Variants in STAM2 observed in about 807,000 individuals in gnomAD.
STAM2 encodes the protein signal transducing adaptor molecule 2.
STAM2 carries 51 observed loss-of-function variants against 65.6 expected under a neutral mutation model. That is an observed-to-expected ratio of 0.78 (90% CI 0.62 to 0.98). The LOEUF (loss-of-function observed/expected upper bound fraction) is 0.98, where lower values mean the gene tolerates loss of function less well. STAM2 is among the 50% of genes least tolerant of loss of function. The pLI is 0.00. For missense variants in STAM2, 584 were observed against 617.8 expected (o/e 0.95, Z 0.58); for synonymous variants, 198 against 208.4 (o/e 0.95, Z 0.43).
chr2:152,132,206 A>G, intron 10 of STAM2, 38 bp from the exon 11 acceptor site: 1 of 1,542,158 alleles, frequency 6.5e-7, no homozygotes, highest in Non-Finnish European at 8.9e-7. Flanking sequence ...TAGAAACTTA[A>G]TCCAGTTTAA....
At chr2:152,168,004 A>C (rs1404601739) in intron 1 of STAM2, among the ~76,000 whole-genome samples, 6 of 152,144 alleles carry the variant, frequency 3.9e-5, no homozygotes, top group Admixed American at 3.9e-4. Context: ...GTCAGATTAA[A>C]GGACAATAGA....
In STAM2 at chr2:152,123,796, G is replaced by A; in HGVS notation, c.1319C>T (p.Thr440Ile). 3 of 1,614,142 alleles carry A rather than the reference G, an allele frequency of 1.9e-6. No homozygotes were observed. The highest frequency in any genetic ancestry group is 2.5e-6 in the Non-Finnish European group (3 of 1,180,022). Residue 440 changes from threonine to isoleucine, a missense_variant, in exon 13 of 14, where the codon ACA (threonine) becomes ATA (isoleucine). Physicochemically the swap from Thr to Ile is moderately conservative, Grantham distance 89 (BLOSUM62 -1). Transcript: ENST00000263904. ...ATATGAAGTTTGAGCAGGCTGTGCTGTCACTGAGGAATTCACATTTGGAGG... is the reference window on the plus strand; with the variant it reads ...ATATGAAGTTTGAGCAGGCTGTGCTATCACTGAGGAATTCACATTTGGAGG... ...SLPPNVNSSV[T>I]AQPAQTSYLS...
intron 1 of STAM2, among the ~76,000 whole-genome samples, chr2:152,157,085 A>C (rs538376798): frequency 6.6e-6 from 1 of 152,192 alleles, no homozygotes; most frequent in African/African-American, 2.4e-5. Context: ...CATCCAGCAC[A>C]AGGAGGACTA....
intron 6 of STAM2, 33 bp from the exon 7 acceptor site, chr2:152,144,046 GAATT>G (rs758050007): frequency 1.7e-5 from 25 of 1,484,212 alleles, no homozygotes; most frequent in East Asian, 1.0e-4. Context: ...AAAGAAACTG[GAATT>G]AATTTTGATA....
chr2:152,130,591 C>T (rs1340849169), intron 11 of STAM2, among the ~76,000 whole-genome samples: 2 of 151,412 alleles, frequency 1.3e-5, no homozygotes, highest in Non-Finnish European at 2.9e-5. Context: ...GGCACAGTGG[C>T]TCATGCCTAT....
chr2:152,139,864 A>C (rs2105541805), intron 7 of STAM2, among the ~76,000 whole-genome samples: 1 of 152,254 alleles, frequency 6.6e-6, no homozygotes, highest in South Asian at 2.1e-4. Flanking sequence ...TTTTTAATAC[A>C]ATATATTGTA....
At chr2:152,153,928 A>G (rs867018941) in intron 1 of STAM2, among the ~76,000 whole-genome samples, 15 of 151,436 alleles carry the variant, frequency 9.9e-5, no homozygotes, top group African/African-American at 3.4e-4. Flanking sequence ...ACGCAAAAAT[A>G]ATAAAAGTTA....
At chr2:152,158,216 C>G (rs1689588631) in intron 1 of STAM2, among the ~76,000 whole-genome samples, 1 of 152,126 alleles carries the variant, frequency 6.6e-6, no homozygotes, top group Non-Finnish European at 1.5e-5. Flanking sequence ...GTGGCTTATA[C>G]CTGTAATCCC....
intron 1 of STAM2, among the ~76,000 whole-genome samples, chr2:152,160,779 T>C (rs1689655527): frequency 7.1e-6 from 1 of 139,980 alleles, no homozygotes; most frequent in South Asian, 2.3e-4. Context: ...TACCGGGAAG[T>C]GAGGAGCCCC....
At chr2:152,167,232 T>C (rs558192195) in intron 1 of STAM2, among the ~76,000 whole-genome samples, 1 of 152,182 alleles carries the variant, frequency 6.6e-6, no homozygotes, top group South Asian at 2.1e-4. Context: ...AAGGCCTCCC[T>C]GAATGCAACA....
intron 1 of STAM2, among the ~76,000 whole-genome samples, chr2:152,160,827 G>T (rs1356836650): frequency 8.4e-5 from 12 of 143,590 alleles, no homozygotes; most frequent in South Asian, 6.6e-4. Flanking sequence ...AAGGTGGTGG[G>T]GGGGTCAGCC....
chr2:152,172,261 A>T (rs1689909637), intron 1 of STAM2, among the ~76,000 whole-genome samples: 1 of 152,204 alleles, frequency 6.6e-6, no homozygotes, highest in African/African-American at 2.4e-5. Flanking sequence ...CAGGGCTTGT[A>T]GGTTCTGATG....
intron 1 of STAM2, among the ~76,000 whole-genome samples, chr2:152,160,113 C>T (rs968354016): frequency 2.6e-5 from 4 of 152,232 alleles, no homozygotes; most frequent in African/African-American, 9.6e-5. Context: ...CCTTGGCCTC[C>T]CAAAGTGCCA....
At chr2:152,132,061 C>T in intron 11 of STAM2, 53 bp downstream of exon 11, 1 of 1,360,212 alleles carries the variant, frequency 7.4e-7, no homozygotes, top group Non-Finnish European at 1.0e-6. Context: ...TTTGCCAAAA[C>T]ACAAGTGAAC....
chr2:152,161,728 G>A (rs183275986), intron 1 of STAM2, among the ~76,000 whole-genome samples: 101 of 152,076 alleles, frequency 6.6e-4, no homozygotes, highest in African/African-American at 2.4e-3. Flanking sequence ...CCCATTTAAT[G>A]TTCTGTTTGG....
chr2:152,146,271 C>CAA (rs201803866), intron 5 of STAM2, among the ~76,000 whole-genome samples: 20,480 of 96,752 alleles, frequency 0.21, 2,057 homozygotes, highest in East Asian at 0.34. Context: ...AACTCCATCT[C>CAA]AAAAAAAAAA....
At chr2:152,165,588 A>G (rs764293104) in intron 1 of STAM2, among the ~76,000 whole-genome samples, 3 of 152,168 alleles carry the variant, frequency 2.0e-5, no homozygotes, top group Non-Finnish European at 2.9e-5. Context: ...GTCAGGCTTC[A>G]GGGGGGTGGC....
At chr2:152,171,411 T>A (rs770421140) in intron 1 of STAM2, among the ~76,000 whole-genome samples, 36 of 108,046 alleles carry the variant, frequency 3.3e-4, no homozygotes, top group Non-Finnish European at 3.5e-4. Context: ...AAAAACTTTT[T>A]AAAAAAATTT....
chr2:152,146,555 T>C (rs1249515851), intron 5 of STAM2, among the ~76,000 whole-genome samples: 8 of 152,190 alleles, frequency 5.3e-5, no homozygotes, highest in Non-Finnish European at 1.2e-4. Flanking sequence ...ATCCATCTTG[T>C]ATGTGAAGCA....
Sources: allele counts gnomAD v4.1 joint callset (sites outside exome capture counted in the v4.1 genomes callset), GRCh38; gene constraint gnomAD v4.1.1; transcripts MANE v1.5; gene names NCBI Gene and HGNC (gene_info 2026-07-23, HGNC 2026-07-21).